The following VPS53 variants were observed in gnomAD, a reference collection of about 807,000 sequenced individuals.
VPS53 encodes VPS53 subunit of GARP complex.
In VPS53, 70 loss-of-function variants were observed where a neutral mutation model predicts 107.0. The ratio of observed to expected loss-of-function variants is 0.65; its 90% CI spans 0.54 to 0.80. The LOEUF is 0.80. VPS53 is among the 30% of genes least tolerant of loss of function. The pLI is 0.00. For missense variants in VPS53, 917 were observed against 1,049.4 expected, an observed-to-expected ratio of 0.87 and a Z score of 1.74; for synonymous variants, 409 against 393.3, an observed-to-expected ratio of 1.04 and a Z score of -0.47.
chr17:633,855 G>T (rs75695395), intron 7 of VPS53, among the ~76,000 whole-genome samples: 7,527 of 152,240 alleles, frequency 0.049, 569 homozygotes, highest in African/African-American at 0.16. Context: ...CTTGTGATGC[G>T]CACACGAGGA....
chr17:695,199 G>A (rs914140821), intron 4 of VPS53, among the ~76,000 whole-genome samples: 6 of 152,144 alleles, frequency 3.9e-5, no homozygotes, highest in African/African-American at 9.7e-5. Flanking sequence ...AAAGGACATC[G>A]AGGGACACTG....
intron 17 of VPS53, among the ~76,000 whole-genome samples, chr17:543,395 C>T (rs530118879): frequency 1.5e-4 from 23 of 152,250 alleles, no homozygotes; most frequent in Non-Finnish European, 2.4e-4. Flanking sequence ...ATGTGCCAGA[C>T]GGTAAGAAAA....
At chr17:592,986 G>A (rs1299597088) in intron 12 of VPS53, among the ~76,000 whole-genome samples, 2 of 152,124 alleles carry the variant, frequency 1.3e-5, no homozygotes, top group Admixed American at 1.3e-4. Context: ...ACAGAACAGA[G>A]CCCTCAGAAA....
chr17:530,231 T>G (rs934870893), intron 19 of VPS53, among the ~76,000 whole-genome samples: 2 of 148,574 alleles, frequency 1.3e-5, no homozygotes, highest in South Asian at 4.3e-4. Flanking sequence ...ACCTCCCAGG[T>G]TCAAGCAGTT....
At chr17:558,380 T>C (rs1912632326) in intron 15 of VPS53, among the ~76,000 whole-genome samples, 1 of 152,138 alleles carries the variant, frequency 6.6e-6, no homozygotes, top group Admixed American at 6.6e-5. Flanking sequence ...ACGTCTGTAA[T>C]CCCAGCACTT....
chr17:561,455 A>G (rs966211659), intron 14 of VPS53, among the ~76,000 whole-genome samples: 1 of 152,334 alleles, frequency 6.6e-6, no homozygotes, highest in South Asian at 2.1e-4. Context: ...TGCTCCCACG[A>G]TGAAGTTAAA....
chr17:520,487 C>A lies in VPS53; in HGVS notation c.2224-557G>T, dbSNP rs1315735230. Reference sequence around the variant, plus strand: ...CCAAAGCTGCCTCACCTTTTGGAGACTTAAAATCTGTAACTTCATGTAACG... The same window carrying A: ...CCAAAGCTGCCTCACCTTTTGGAGAATTAAAATCTGTAACTTCATGTAACG... On this transcript the variant is annotated intron_variant, in intron 20 of 21. Coordinates refer to ENST00000437048, the MANE Select transcript of VPS53 (RefSeq NM_001128159.3). This position sits in a 1 kb window ranked among gnomAD's most constrained non-coding sequence, Gnocchi z 4.4. Among the ~76,000 whole-genome samples the A allele has an allele frequency of 6.6e-6, 1 of 152,178 alleles. No homozygotes were observed. Among genetic ancestry groups the A allele is most frequent in the Non-Finnish European group, 1.5e-5 (1 of 68,020 alleles).
Position 572,838 on chromosome 17 carries a change from G to A in VPS53, c.1314-10093C>T, listed in dbSNP as rs556477478. On this transcript the variant is annotated intron_variant, in intron 13 of 21. Coordinates refer to ENST00000437048, the MANE Select transcript of VPS53 (RefSeq NM_001128159.3). ...ACAGATGCTTGAAGGCAGCATGCTC[G>A]TTAAGAGTCATCACCACTCCCTAAT... is the stretch of plus-strand genomic sequence containing the variant. Among the ~76,000 whole-genome samples the A allele has an allele frequency of 4.5e-3, 684 of 150,510 alleles. 4 individuals are homozygous for A. The highest frequency in any genetic ancestry group is 0.016 in the African/African-American group (648 of 40,258).
chr17:543,072 CTTG>C (rs1910829495), intron 17 of VPS53, among the ~76,000 whole-genome samples: 3 of 151,790 alleles, frequency 2.0e-5, no homozygotes, highest in Admixed American at 1.3e-4. Flanking sequence ...AAAGCTGTGT[CTTG>C]ATTCTAGGTA....
intron 4 of VPS53, among the ~76,000 whole-genome samples, chr17:695,854 G>A (rs1367517190): frequency 6.6e-6 from 1 of 152,180 alleles, no homozygotes; most frequent in African/African-American, 2.4e-5. Flanking sequence ...GCCTGGCCTT[G>A]GATTTCATTT....
Position 517,425 on chromosome 17 carries a change from GT to G in VPS53, c.*1702del, listed in dbSNP as rs1234247567. 2.5e-6 allele frequency: 1 copy of G among 399,040 alleles called. No homozygotes were observed. Among genetic ancestry groups the G allele is most frequent in the Non-Finnish European group, 4.4e-6 (1 of 226,286 alleles). 24.7% of individuals were successfully genotyped at this position (399,040 alleles called of 1,614,324 possible). On this transcript the variant is annotated 3_prime_UTR_variant, in exon 22 of 22. Coordinates refer to ENST00000437048, the MANE Select transcript of VPS53 (RefSeq NM_001128159.3). ...AGCAGTGGTTATGTTGGGAAACAAGGTGGGGATGAGGAAATCAGGTTTCCAG... is the reference window on the plus strand; with the variant it reads ...AGCAGTGGTTATGTTGGGAAACAAGGGGGGATGAGGAAATCAGGTTTCCAG...
In VPS53 at chr17:591,228, C is replaced by A. The variant is rs1214227489; in HGVS notation, c.1219-4864G>T. ...TTCTGTGGGATCGGTGGTGATATCC[C>A]CTTTGTCATTTTTTATTGCATCTAT... On this transcript the variant is annotated intron_variant, in intron 12 of 21. Coordinates refer to ENST00000437048, the MANE Select transcript of VPS53 (RefSeq NM_001128159.3). Among the ~76,000 whole-genome samples the A allele has an allele frequency of 2.6e-5, 4 of 152,130 alleles. No homozygotes were observed. In the East Asian group the frequency reaches 7.7e-4, roughly 29 times the overall value.
chr17:593,638 T>C (rs1967799648), intron 12 of VPS53, among the ~76,000 whole-genome samples: 1 of 152,144 alleles, frequency 6.6e-6, no homozygotes. Context: ...AGAATGGCGA[T>C]CATTAAAAAG....
At chr17:579,131 A>AC (rs754847665) in intron 13 of VPS53, among the ~76,000 whole-genome samples, 19 of 147,898 alleles carry the variant, frequency 1.3e-4, no homozygotes, top group Non-Finnish European at 2.1e-4. Context: ...ATCCCTCAGA[A>AC]CCTAATGCGT....
intron 5 of VPS53, among the ~76,000 whole-genome samples, chr17:660,418 A>C (rs1271488247): frequency 6.6e-6 from 1 of 152,194 alleles, no homozygotes; most frequent in Non-Finnish European, 1.5e-5. Context: ...AGCACTGTCC[A>C]GGAAAGCAAG....
intron 4 of VPS53, chr17:676,538 G>T (rs1396533729): frequency 6.6e-6 from 1 of 152,228 alleles, no homozygotes; most frequent in Admixed American, 6.5e-5. Context: ...TTGAGACGCA[G>T]AGTCTAGTTT....
At chr17:696,448 G>A (rs1310737802) in intron 4 of VPS53, among the ~76,000 whole-genome samples, 1 of 152,150 alleles carries the variant, frequency 6.6e-6, no homozygotes, top group Non-Finnish European at 1.5e-5. Flanking sequence ...ATGTCAAAGA[G>A]GAGAAATCAC....
chr17:648,556 A>G (rs1051223751), intron 7 of VPS53, among the ~76,000 whole-genome samples: 9 of 152,260 alleles, frequency 5.9e-5, no homozygotes, highest in African/African-American at 2.2e-4. Flanking sequence ...GTCTCAAAAA[A>G]TAAACAAATA....
intron 13 of VPS53, among the ~76,000 whole-genome samples, chr17:583,062 G>A (rs556245386): frequency 6.7e-6 from 1 of 148,824 alleles, no homozygotes; most frequent in East Asian, 2.0e-4. Flanking sequence ...AGAACCTAAT[G>A]CGTTCCCACA....
Sources: gnomAD v4.1 joint callset for allele counts (sites outside exome capture counted in the v4.1 genomes callset) on GRCh38, gnomAD v4.1.1 for gene constraint, Gnocchi (gnomAD v3.1) non-coding constraint, MANE v1.5 for transcripts, NCBI Gene and HGNC (gene_info 2026-07-23, HGNC 2026-07-21) for gene names.